LRP5: variants seen among roughly 807,000 people sequenced by gnomAD.
LRP5 encodes low-density lipoprotein receptor-related protein 5.
In LRP5, 62 loss-of-function variants were observed where a neutral mutation model predicts 154.1. The ratio of observed to expected loss-of-function variants is 0.40; its 90% confidence interval spans 0.33 to 0.50. The LOEUF is 0.50. LRP5 is among the 20% of genes least tolerant of loss of function. The pLI, the probability that LRP5 is intolerant of heterozygous loss-of-function variation, is 0.55. For missense variants in LRP5, 1,915 were observed against 2,336.7 expected (o/e 0.82, Z 3.72); for synonymous variants, 966 against 1,011.5 (o/e 0.96, Z 0.85).
intron 4 of LRP5, among the ~76,000 whole-genome samples, chr11:68,364,754 G>C (rs1431580585): frequency 6.6e-6 from 1 of 152,150 alleles, no homozygotes; most frequent in Non-Finnish European, 1.5e-5. Flanking sequence ...GGGCCTAGGG[G>C]TGCCAGCTGT....
intron 3 of LRP5, among the ~76,000 whole-genome samples, chr11:68,359,120 A>G (rs2098625617): frequency 6.6e-6 from 1 of 152,240 alleles, no homozygotes; most frequent in Admixed American, 6.5e-5. Flanking sequence ...GAAACAGCAA[A>G]CAGGTTTTTT....
intron 16 of LRP5, 22 bp from the exon 17 acceptor site, chr11:68,429,549 CTGTT>C (rs751021955): frequency 2.5e-6 from 4 of 1,613,880 alleles, no homozygotes; most frequent in South Asian, 1.1e-5. Flanking sequence ...AGCCTGACCT[CTGTT>C]TGTCTTGTTT....
intron 7 of LRP5, among the ~76,000 whole-genome samples, chr11:68,393,823 A>G (rs866360228): frequency 6.6e-6 from 1 of 152,182 alleles, no homozygotes; most frequent in South Asian, 2.1e-4. Flanking sequence ...TTATTAAAAC[A>G]TTCATCACAG....
At chr11:68,433,168 G>C (rs7120407) in intron 17 of LRP5, among the ~76,000 whole-genome samples, 1 of 152,202 alleles carries the variant, frequency 6.6e-6, no homozygotes, top group Non-Finnish European at 1.5e-5. Flanking sequence ...CTGCCCCTCT[G>C]GTCCTGAGGA....
intron 7 of LRP5, 62 bp downstream of exon 7, chr11:68,390,114 A>G: frequency 6.3e-7 from 1 of 1,592,176 alleles, no homozygotes; most frequent in Non-Finnish European, 8.6e-7. Context: ...CTGCAGCCAG[A>G]TGTACGTATT....
At chr11:68,425,944 G>T (rs375175685) in intron 15 of LRP5, 34 bp from the exon 16 acceptor site, 6 of 1,588,846 alleles carry the variant, frequency 3.8e-6, no homozygotes, top group Non-Finnish European at 5.1e-6. Context: ...CTGGAGGTCA[G>T]CACTGCTCAG....
intron 8 of LRP5, among the ~76,000 whole-genome samples, chr11:68,405,196 G>A (rs562028667): frequency 7.2e-5 from 11 of 151,960 alleles, no homozygotes; most frequent in African/African-American, 2.4e-4. Flanking sequence ...GCCAGGTGTG[G>A]TGGCTCATGC....
intron 11 of LRP5, among the ~76,000 whole-genome samples, chr11:68,412,754 T>C (rs1283641492): frequency 1.3e-5 from 2 of 152,128 alleles, no homozygotes; most frequent in Non-Finnish European, 2.9e-5. Flanking sequence ...GCCCTGACTT[T>C]TGTCCCCTGG....
rs768672207 is a variant in LRP5, at chr11:68,438,459, G to A, written c.4125G>A (p.Pro1375=). 5.0e-6 allele frequency: 8 copies of A among 1,614,110 alleles called. No homozygotes were observed. The highest frequency in any genetic ancestry group is 3.3e-5 in the South Asian group (3 of 91,084). ...SDELMCEITK[P]PSDDSPAHSS... is the part of the protein sequence containing the mutation. ...TGTCTCTGGCAGAAATCACCAAGCCGCCCTCAGACGACAGCCCGGCCCACA... is the reference window on the plus strand; with the variant it reads ...TGTCTCTGGCAGAAATCACCAAGCCACCCTCAGACGACAGCCCGGCCCACA... Residue 1375 remains proline, a synonymous_variant, in exon 20 of 23, where the codon CCG becomes CCA. Transcript: ENST00000294304.
chr11:68,428,818 C>T (rs986033313), intron 16 of LRP5, among the ~76,000 whole-genome samples: 2 of 133,450 alleles, frequency 1.5e-5, no homozygotes, highest in Non-Finnish European at 3.1e-5. Flanking sequence ...TGGTAGTTCA[C>T]GCCTGTAATC....
chr11:68,437,613 G>A (rs564287608), intron 19 of LRP5, among the ~76,000 whole-genome samples: 3 of 152,370 alleles, frequency 2.0e-5, no homozygotes, highest in Admixed American at 6.5e-5. Context: ...CCACTCCTTC[G>A]CTGCAGAGGG....
chr11:68,402,286 T>C (rs1303803592), intron 7 of LRP5, among the ~76,000 whole-genome samples: 1 of 152,176 alleles, frequency 6.6e-6, no homozygotes, highest in Non-Finnish European at 1.5e-5. Context: ...CCACGTCCTA[T>C]CTCACGCGGC....
chr11:68,410,111 G>A lies in LRP5; in HGVS notation c.2289G>A (p.Pro763=), dbSNP rs372734142. ...QVLVWRDLDN[P]RSLALDPTKG... The stretch of plus-strand genomic sequence containing the variant: ...TCGTGTGGAGGGACTTGGACAACCC[G>A]AGGTCGCTGGCCCTGGATCCCACCA... The change falls in exon 10 of 23, where the codon CCG becomes CCA. Residue 763 remains proline, a synonymous_variant. Coordinates refer to ENST00000294304, the MANE Select transcript of LRP5 (RefSeq NM_002335.4). 9.9e-6 allele frequency: 16 copies of A among 1,613,772 alleles called. No homozygotes were observed. The African/African-American group carries it at 1.2e-4, about 12-fold the overall frequency.
At chr11:68,326,917 G>T (rs1237553910) in intron 1 of LRP5, among the ~76,000 whole-genome samples, 1 of 152,214 alleles carries the variant, frequency 6.6e-6, no homozygotes, top group African/African-American at 2.4e-5. Context: ...TCAGCGCTCT[G>T]TACCTCCATG....
At chr11:68,443,029 C>T (rs1439124974) in intron 21 of LRP5, among the ~76,000 whole-genome samples, 1 of 152,190 alleles carries the variant, frequency 6.6e-6, no homozygotes, top group Non-Finnish European at 1.5e-5. Context: ...TCAACCACTC[C>T]TGCCAAGTGG....
At chr11:68,401,407 A>G (rs1282128685) in intron 7 of LRP5, among the ~76,000 whole-genome samples, 1 of 152,202 alleles carries the variant, frequency 6.6e-6, no homozygotes, top group East Asian at 1.9e-4. Flanking sequence ...CCTGCTCATC[A>G]GAACCGCCTG....
intron 7 of LRP5, among the ~76,000 whole-genome samples, chr11:68,398,837 C>A (rs1008382038): frequency 6.6e-6 from 1 of 152,070 alleles, no homozygotes; most frequent in African/African-American, 2.4e-5. Flanking sequence ...CAGGCTCAAG[C>A]GATCCTCCTG....
intron 1 of LRP5, among the ~76,000 whole-genome samples, chr11:68,330,080 GGTCACA>G (rs1181626203): frequency 2.0e-5 from 3 of 152,170 alleles, no homozygotes; most frequent in Admixed American, 1.3e-4. Flanking sequence ...TCACTGAGCT[GGTCACA>G]TTCCACAGTT....
intron 8 of LRP5, among the ~76,000 whole-genome samples, chr11:68,405,127 C>T (rs1015994386): frequency 6.6e-6 from 1 of 151,536 alleles, no homozygotes; most frequent in African/African-American, 2.4e-5. Context: ...CACTGCCCTC[C>T]ACCTGGGCAA....
Sources: allele counts gnomAD v4.1 joint callset (sites outside exome capture counted in the v4.1 genomes callset), GRCh38; gene constraint gnomAD v4.1.1; transcripts MANE v1.5; gene names NCBI Gene and HGNC (gene_info 2026-07-23, HGNC 2026-07-21).